The following TCERG1L variants were observed in gnomAD, a reference collection of about 807,000 sequenced individuals.
The protein encoded by TCERG1L is transcription elongation regulator 1 like.
Under a neutral mutation model 56.3 loss-of-function variants are expected in TCERG1L, and 37 were observed. The ratio of observed to expected loss-of-function variants is 0.66; its 90% CI spans 0.51 to 0.87. The LOEUF (loss-of-function observed/expected upper bound fraction) is 0.87, where lower values mean the gene tolerates loss of function less well. Ranked by LOEUF, TCERG1L falls within the 40% of genes least tolerant of loss-of-function variation. The pLI, the probability that TCERG1L is intolerant of heterozygous loss-of-function variation, is 0.00. For synonymous variants in TCERG1L, 324 were observed against 326.3 expected, an observed-to-expected ratio of 0.99 and a Z score of 0.08; for missense variants, 799 against 774.2, an observed-to-expected ratio of 1.03 and a Z score of -0.38.
In TCERG1L at chr10:131,285,505, AAAGAAAGAAAGAAAGAAAGAGAG is replaced by A. The variant is rs1485591902; in HGVS notation, c.670+22683_670+22705del. Among the ~76,000 whole-genome samples the A allele has an allele frequency of 5.6e-3, 246 of 43,652 alleles. 8 individuals are homozygous for A. The highest frequency in any genetic ancestry group is 0.035 in the Middle Eastern group (4 of 114). The allele number at this position is 43,652 out of a possible 152,430, so 28.6% of individuals were successfully genotyped here. ...GAAAGAAAGAAAGAAAGAAAGAAAG[AAAGAAAGAAAGAAAGAAAGAGAG>A]AAAGAAAAGAAAAGAAAGAAAGGAA... On this transcript the variant is annotated intron_variant, in intron 3 of 11. Transcript: ENST00000368642.
intron 4 of TCERG1L, among the ~76,000 whole-genome samples, chr10:131,234,200 T>A (rs1845887372): frequency 6.6e-6 from 1 of 152,226 alleles, no homozygotes; most frequent in South Asian, 2.1e-4. Flanking sequence ...AAGAAGATCA[T>A]CAGGTATTTT....
intron 4 of TCERG1L, among the ~76,000 whole-genome samples, chr10:131,241,478 T>C (rs1845971426): frequency 1.3e-5 from 2 of 151,546 alleles, no homozygotes; most frequent in South Asian, 4.2e-4. Context: ...ATACGCAACA[T>C]GAACACAGGG....
chr10:131,308,510 G>A (rs1846840083), intron 2 of TCERG1L, 119 bp from the exon 3 acceptor site: 1 of 814,040 alleles, frequency 1.2e-6, no homozygotes, highest in Non-Finnish European at 1.9e-6. Flanking sequence ...TCTATTATTG[G>A]GGACTCTATA....
intron 4 of TCERG1L, among the ~76,000 whole-genome samples, chr10:131,228,250 C>T (rs548606935): frequency 9.9e-5 from 12 of 121,768 alleles, no homozygotes; most frequent in Non-Finnish European, 1.7e-5. Flanking sequence ...CCCCTCCAGA[C>T]AGGCATTTCC....
intron 3 of TCERG1L, among the ~76,000 whole-genome samples, chr10:131,277,379 C>T (rs941566023): frequency 1.3e-5 from 2 of 152,126 alleles, no homozygotes; most frequent in African/African-American, 2.4e-5. Flanking sequence ...ACAACCGGAG[C>T]GGTCACTGCA....
At chr10:131,157,793 A>C (rs1393818876) in intron 6 of TCERG1L, among the ~76,000 whole-genome samples, 1 of 152,230 alleles carries the variant, frequency 6.6e-6, no homozygotes, top group East Asian at 1.9e-4. Context: ...CACTGTCTTC[A>C]TTTCCTTTAA....
intron 6 of TCERG1L, among the ~76,000 whole-genome samples, chr10:131,158,556 G>A (rs1054692990): frequency 1.3e-5 from 2 of 152,218 alleles, no homozygotes; most frequent in African/African-American, 4.8e-5. Context: ...CCCCCAGATG[G>A]CTCTGTGATA....
intron 5 of TCERG1L, among the ~76,000 whole-genome samples, chr10:131,165,806 G>C (rs1182202886): frequency 6.6e-6 from 1 of 152,214 alleles, no homozygotes; most frequent in Non-Finnish European, 1.5e-5. Context: ...CGAGATGCAT[G>C]CTGGTTATGA....
chr10:131,124,378 C>A (rs1845544212), intron 8 of TCERG1L, among the ~76,000 whole-genome samples: 1 of 152,208 alleles, frequency 6.6e-6, no homozygotes, highest in Non-Finnish European at 1.5e-5. Flanking sequence ...CTGGCCCCAC[C>A]CCAGCCTTTG....
intron 4 of TCERG1L, among the ~76,000 whole-genome samples, chr10:131,246,789 C>CG (rs1846044496): frequency 6.6e-6 from 1 of 152,324 alleles, no homozygotes; most frequent in African/African-American, 2.4e-5. Context: ...AGAAGTGAGA[C>CG]GGCCTCCCAG....
At chr10:131,308,536 A>G in intron 2 of TCERG1L, 145 bp from the exon 3 acceptor site, 1 of 702,876 alleles carries the variant, frequency 1.4e-6, no homozygotes, top group Non-Finnish European at 2.3e-6. Context: ...ATCATTCTAA[A>G]ACTTAAAGAA....
chr10:131,237,754 G>T (rs566003101), intron 4 of TCERG1L, among the ~76,000 whole-genome samples: 1 of 152,270 alleles, frequency 6.6e-6, no homozygotes, highest in African/African-American at 2.4e-5. Context: ...CAACTCCATG[G>T]TTCAGCCAGT....
At chr10:131,201,819 G>T (rs1845439117) in intron 4 of TCERG1L, among the ~76,000 whole-genome samples, 1 of 152,270 alleles carries the variant, frequency 6.6e-6, no homozygotes, top group East Asian at 1.9e-4. Flanking sequence ...TTTCAGAGCT[G>T]CCGGCTTTGC....
At chr10:131,285,827 T>A (rs1269636203) in intron 3 of TCERG1L, among the ~76,000 whole-genome samples, 1 of 151,686 alleles carries the variant, frequency 6.6e-6, no homozygotes, top group African/African-American at 2.4e-5. Flanking sequence ...TTGAAAAAAA[T>A]TCATCCCTAA....
At position 131,168,243 on chromosome 10, in the gene TCERG1L, G is replaced by A. The variant is rs191009139; in HGVS notation, c.857-1358C>T. On this transcript the variant is annotated intron_variant, in intron 4 of 11. Transcript: ENST00000368642. ...CAAGCTACACGTCTGTGCTTGAAGG[G>A]GGTGAAAGGCAAGACTGGGGGTCCC... Among the ~76,000 whole-genome samples the A allele has an allele frequency of 1.2e-4, 18 of 152,322 alleles. No individual in the cohort carries two copies. In the East Asian group the frequency reaches 3.5e-3, roughly 29 times the overall value.
At chr10:131,174,002 C>T (rs1398001260) in intron 4 of TCERG1L, among the ~76,000 whole-genome samples, 1 of 152,182 alleles carries the variant, frequency 6.6e-6, no homozygotes, top group Non-Finnish European at 1.5e-5. Context: ...CCTCCCCCAG[C>T]AGGGCTTTTG....
chr10:131,157,496 C>A (rs938889098), intron 6 of TCERG1L, among the ~76,000 whole-genome samples: 5 of 151,766 alleles, frequency 3.3e-5, no homozygotes, highest in African/African-American at 9.7e-5. Flanking sequence ...TGACATTTTC[C>A]CATGTCATCA....
intron 9 of TCERG1L, among the ~76,000 whole-genome samples, chr10:131,115,009 G>A (rs1480772577): frequency 6.6e-6 from 1 of 152,204 alleles, no homozygotes; most frequent in South Asian, 2.1e-4. Context: ...CTGCCTGCAC[G>A]TGCACCTGTG....
At chr10:131,137,088 C>T (rs538858792) in intron 7 of TCERG1L, among the ~76,000 whole-genome samples, 117 of 152,042 alleles carry the variant, frequency 7.7e-4, no homozygotes, top group African/African-American at 2.6e-3. Context: ...TGCAGTGAGC[C>T]GCGATTGTGC....
Sources: gnomAD v4.1 joint callset for allele counts (sites outside exome capture counted in the v4.1 genomes callset) on GRCh38, gnomAD v4.1.1 for gene constraint, MANE v1.5 for transcripts, NCBI Gene and HGNC (gene_info 2026-07-23, HGNC 2026-07-21) for gene names.